Variants in ZNF157 observed in about 807,000 individuals in gnomAD.
The protein encoded by ZNF157 is zinc finger protein 22.
ZNF157 carries 8 observed loss-of-function variants against 9.4 expected under a neutral mutation model. That is an observed-to-expected ratio of 0.85 (90% CI 0.50 to 1.53). ZNF157 has a LOEUF of 1.53. ZNF157 is among the 40% of genes most tolerant of loss of function. ZNF157 has a pLI of 0.00. For synonymous variants in ZNF157, 120 were observed against 130.8 expected, an observed-to-expected ratio of 0.92 and a Z score of 0.56; for missense variants, 316 against 385.2, an observed-to-expected ratio of 0.82 and a Z score of 1.50.
rs2055971040 is a variant in ZNF157, at chrX:47,413,062, A to G, written c.989A>G (p.Tyr330Cys). Residue 330 changes from tyrosine to cysteine, a missense_variant, in exon 4 of 4, where the codon TAT becomes TGT. By Grantham distance (194) the Tyr-to-Cys change is radical. Transcript: ENST00000377073. ...AGAATTCACACAGGTGAGAAACCCTATGAGTGTGGTGAATGTGGGAAATTC... is the reference window on the plus strand; with the variant it reads ...AGAATTCACACAGGTGAGAAACCCTGTGAGTGTGGTGAATGTGGGAAATTC... ...HQRIHTGEKP[Y>C]ECGECGKFFR... is the part of the protein sequence containing the mutation. 1.7e-6 allele frequency: 2 copies of G among 1,209,645 alleles called. No homozygotes were observed. Among genetic ancestry groups the G allele is most frequent in the African/African-American group, 1.7e-5 (1 of 57,341 alleles).
intron 1 of ZNF157, among the ~76,000 whole-genome samples, chrX:47,404,845 T>C (rs1007027485): frequency 1.1e-4 from 12 of 110,969 alleles, no homozygotes; most frequent in Admixed American, 6.8e-4. Flanking sequence ...GGGTACTGTA[T>C]TAGTCTGTTC....
rs1359739863 is a variant in ZNF157, at chrX:47,412,411, A to G, written c.338A>G (p.Asn113Ser). 2.5e-6 allele frequency: 3 copies of G among 1,208,110 alleles called. No individual in the cohort carries two copies. In the African/African-American group the frequency reaches 5.2e-5, roughly 21 times the overall value. Residue 113 changes from asparagine to serine, a missense_variant, in exon 4 of 4, where the codon AAT (asparagine) becomes AGT (serine). Physicochemically the swap from Asn to Ser is conservative, Grantham distance 46 (BLOSUM62 1). Transcript: ENST00000377073. ...LLCGNGSVGDNALRHDNDLLH... is the reference protein window; with the variant it reads ...LLCGNGSVGDSALRHDNDLLH... Reference sequence around the variant, plus strand: ...TGTGGCAATGGTTCTGTTGGGGATAATGCCCTCAGGCATGATAATGACCTT... The same window carrying G: ...TGTGGCAATGGTTCTGTTGGGGATAGTGCCCTCAGGCATGATAATGACCTT...
At chrX:47,377,169 C>A (rs760528522) in intron 1 of ZNF157, among the ~76,000 whole-genome samples, 2 of 109,555 alleles carry the variant, frequency 1.8e-5, no homozygotes, top group South Asian at 4.0e-4. Flanking sequence ...CCATTCCCTA[C>A]GGATTCATCT....
At chrX:47,407,447 A>G (rs763865767) in intron 1 of ZNF157, among the ~76,000 whole-genome samples, 15 of 111,948 alleles carry the variant, frequency 1.3e-4, no homozygotes, top group Non-Finnish European at 2.1e-4. Flanking sequence ...TTACTAGTGA[A>G]ACTATCAAGG....
At chrX:47,400,019 CAG>C (rs2055926034) in intron 1 of ZNF157, among the ~76,000 whole-genome samples, 1 of 84,124 alleles carries the variant, frequency 1.2e-5, no homozygotes. Context: ...TTTTTTGAGA[CAG>C]AGTCTTGCTC....
At chrX:47,389,368 A>G (rs2055890159) in intron 1 of ZNF157, among the ~76,000 whole-genome samples, 1 of 102,166 alleles carries the variant, frequency 9.8e-6, no homozygotes, top group Non-Finnish European at 2.0e-5. Flanking sequence ...TTTTTTTTCC[A>G]AGACAGAGTC....
At chrX:47,409,357 G>T (rs2055956399) in intron 1 of ZNF157, among the ~76,000 whole-genome samples, 1 of 111,657 alleles carries the variant, frequency 9.0e-6, no homozygotes, top group South Asian at 3.7e-4. Flanking sequence ...TTTGTTTTGA[G>T]ACAGGGTCTC....
At chrX:47,388,331 G>T (rs906711496) in intron 1 of ZNF157, among the ~76,000 whole-genome samples, 2 of 109,212 alleles carry the variant, frequency 1.8e-5, no homozygotes, top group Non-Finnish European at 3.8e-5. Flanking sequence ...TCATCCTCCC[G>T]CCTCAGCCTC....
At chrX:47,393,027 C>T (rs887352691) in intron 1 of ZNF157, among the ~76,000 whole-genome samples, 5 of 110,484 alleles carry the variant, frequency 4.5e-5, no homozygotes, top group African/African-American at 1.6e-4. Flanking sequence ...TGGTGGCGCA[C>T]GCCTGTAATC....
chrX:47,378,274 C>T (rs980938716), intron 1 of ZNF157, among the ~76,000 whole-genome samples: 5 of 111,120 alleles, frequency 4.5e-5, no homozygotes, highest in Admixed American at 9.7e-5. Context: ...AGCCAGTTTA[C>T]GGATCTGGGT....
chrX:47,384,262 T>A (rs6608715), intron 1 of ZNF157, among the ~76,000 whole-genome samples: 40,005 of 110,400 alleles, frequency 0.36, 5,575 homozygotes, highest in African/African-American at 0.49. Flanking sequence ...AAGTTTTTTT[T>A]AAAAAATAAA....
chrX:47,387,175 T>A (rs764719327), intron 1 of ZNF157, among the ~76,000 whole-genome samples: 5 of 107,687 alleles, frequency 4.6e-5, no homozygotes, highest in African/African-American at 1.4e-4. Context: ...CAGGCTGGAG[T>A]GCAGTGGCAC....
At chrX:47,370,851 C>T in intron 1 of ZNF157, 111 bp downstream of exon 1, 1 of 713,771 alleles carries the variant, frequency 1.4e-6, no homozygotes, top group Non-Finnish European at 2.0e-6. Flanking sequence ...TACCATTTAC[C>T]TAGTTTTTGT....
intron 1 of ZNF157, among the ~76,000 whole-genome samples, chrX:47,385,390 T>C (rs1009247878): frequency 1.8e-5 from 2 of 111,249 alleles, no homozygotes; most frequent in Non-Finnish European, 3.8e-5. Flanking sequence ...GAAATTCCCA[T>C]GAGCTAAATA....
In ZNF157 at chrX:47,409,887, A is replaced by G. The variant is rs371316621; in HGVS notation, c.73-389A>G. ...TGGTCTTGAACTCCTGATCTCAGGC[A>G]ATCCACCCAGCTTGGCCTCCCAAAG... On this transcript the variant is annotated intron_variant, in intron 1 of 3. Coordinates refer to ENST00000377073, the MANE Select transcript of ZNF157 (RefSeq NM_003446.4). Among the ~76,000 whole-genome samples, 8 of 109,244 alleles carry G rather than the reference A, an allele frequency of 7.3e-5. No homozygotes were observed. In the East Asian group the frequency reaches 1.2e-3, roughly 16 times the overall value. 94.9% of individuals were successfully genotyped at this position (109,244 alleles called of 115,157 possible).
At chrX:47,384,088 G>A (rs2055872440) in intron 1 of ZNF157, among the ~76,000 whole-genome samples, 1 of 107,335 alleles carries the variant, frequency 9.3e-6, no homozygotes, top group Non-Finnish European at 1.9e-5. Flanking sequence ...TGGCTAACAT[G>A]GTGAAACCCT....
At chrX:47,404,903 T>C (rs918751212) in intron 1 of ZNF157, among the ~76,000 whole-genome samples, 1 of 110,809 alleles carries the variant, frequency 9.0e-6, no homozygotes, top group Non-Finnish European at 1.9e-5. Flanking sequence ...AGAATAGAGG[T>C]TTAATTGACT....
In ZNF157 at chrX:47,413,772, G is replaced by A. The variant is rs2055974777; in HGVS notation, c.*178G>A. 3.9e-6 allele frequency: 3 copies of A among 768,515 alleles called. No individual in the cohort carries two copies. In the East Asian group the frequency reaches 1.1e-4, roughly 29 times the overall value. The allele number at this position is 768,515 out of a possible 1,213,427, so 63.3% of individuals were successfully genotyped here. On this transcript the variant is annotated 3_prime_UTR_variant, in exon 4 of 4. Transcript: ENST00000377073. ...TTAGTGGTGTGTGAACATCTTATCT[G>A]TTGATTGGCTATTTGGGTTTTTTCT...
chrX:47,399,049 G>T (rs1051718704), intron 1 of ZNF157, among the ~76,000 whole-genome samples: 1 of 111,964 alleles, frequency 8.9e-6, no homozygotes, highest in Admixed American at 9.6e-5. Flanking sequence ...TAATCCGCCC[G>T]CCTTGGCCTC....
Sources: gnomAD v4.1 joint callset for allele counts (sites outside exome capture counted in the v4.1 genomes callset) on GRCh38, gnomAD v4.1.1 for gene constraint, MANE v1.5 for transcripts, NCBI Gene and HGNC (gene_info 2026-07-23, HGNC 2026-07-21) for gene names.